Variants in CDH10 observed in about 807,000 individuals in gnomAD.
The protein encoded by CDH10 is cadherin-10.
In CDH10, 30 loss-of-function variants were observed where a neutral mutation model predicts 73.1. The ratio of observed to expected loss-of-function variants is 0.41; its 90% CI spans 0.31 to 0.56. CDH10 has a LOEUF of 0.56. Ranked by LOEUF, CDH10 falls within the 20% of genes least tolerant of loss-of-function variation. The pLI is 0.27. For synonymous variants in CDH10, 345 were observed against 348.2 expected (o/e 0.99, Z 0.10); for missense variants, 815 against 973.7 (o/e 0.84, Z 2.17).
chr5:24,576,452 A>G (rs1745601672), intron 2 of CDH10, among the ~76,000 whole-genome samples: 1 of 152,076 alleles, frequency 6.6e-6, no homozygotes, highest in African/African-American at 2.4e-5. Flanking sequence ...GTCTTCTTGA[A>G]ATGTCTTATT....
intron 1 of CDH10, among the ~76,000 whole-genome samples, chr5:24,642,531 T>C (rs761700029): frequency 5.3e-5 from 8 of 152,286 alleles, no homozygotes; most frequent in Admixed American, 2.0e-4. Context: ...GAAATATCAC[T>C]CTAAATTAAA....
chr5:24,540,445 A>T, intron 2 of CDH10, among the ~76,000 whole-genome samples: 1 of 152,050 alleles, frequency 6.6e-6, no homozygotes, highest in Non-Finnish European at 1.5e-5. Flanking sequence ...AGCAGGATTT[A>T]TTATCTTCAC....
At chr5:24,516,178 T>C (rs1743102053) in intron 5 of CDH10, among the ~76,000 whole-genome samples, 1 of 152,214 alleles carries the variant, frequency 6.6e-6, no homozygotes, top group Admixed American at 6.5e-5. Flanking sequence ...ATTAAAGTTA[T>C]GCATTTTTGT....
chr5:24,512,049 C>T (rs536858158), intron 5 of CDH10, among the ~76,000 whole-genome samples: 1 of 152,218 alleles, frequency 6.6e-6, no homozygotes, highest in South Asian at 2.1e-4. Flanking sequence ...AGGCCTATTA[C>T]CTGGTCTATG....
At chr5:24,615,482 T>C (rs892026395) in intron 1 of CDH10, among the ~76,000 whole-genome samples, 3 of 152,202 alleles carry the variant, frequency 2.0e-5, no homozygotes, top group African/African-American at 7.2e-5. Flanking sequence ...GTTTTGATTG[T>C]TCCCTTGGGA....
chr5:24,640,123 T>G (rs1747997079), intron 1 of CDH10, among the ~76,000 whole-genome samples: 1 of 151,938 alleles, frequency 6.6e-6, no homozygotes, highest in South Asian at 2.1e-4. Context: ...TGGCAGATGA[T>G]AGAATACTGG....
chr5:24,527,539 T>C (rs1422400824), intron 5 of CDH10, among the ~76,000 whole-genome samples: 4 of 151,726 alleles, frequency 2.6e-5, no homozygotes, highest in Admixed American at 6.6e-5. Flanking sequence ...CAAACCTAGA[T>C]GGTATCGCTT....
intron 5 of CDH10, among the ~76,000 whole-genome samples, chr5:24,533,194 G>T (rs1743810992): frequency 6.6e-6 from 1 of 151,960 alleles, no homozygotes; most frequent in Non-Finnish European, 1.5e-5. Flanking sequence ...GGGCATGGTG[G>T]CATGAACCTG....
At chr5:24,502,219 G>A (rs1579725568) in intron 8 of CDH10, among the ~76,000 whole-genome samples, 3 of 152,116 alleles carry the variant, frequency 2.0e-5, no homozygotes. Flanking sequence ...ACCGCGCCTG[G>A]CTCCCACATA....
intron 2 of CDH10, among the ~76,000 whole-genome samples, chr5:24,544,946 C>A (rs1022785023): frequency 2.0e-5 from 3 of 151,936 alleles, no homozygotes; most frequent in African/African-American, 7.3e-5. Flanking sequence ...CTTCCAAGGC[C>A]AGAAATTTAA....
chr5:24,531,245 T>C (rs940938786), intron 5 of CDH10, among the ~76,000 whole-genome samples: 2 of 152,112 alleles, frequency 1.3e-5, no homozygotes, highest in Non-Finnish European at 2.9e-5. Context: ...TGGAATTGTC[T>C]CACATGTTAT....
At chr5:24,489,589 C>A (rs1402771273) in intron 11 of CDH10, among the ~76,000 whole-genome samples, 1 of 152,108 alleles carries the variant, frequency 6.6e-6, no homozygotes, top group Non-Finnish European at 1.5e-5. Context: ...AGGATAATGA[C>A]AACTTATTAC....
At chr5:24,519,086 T>C (rs966114363) in intron 5 of CDH10, among the ~76,000 whole-genome samples, 7 of 151,718 alleles carry the variant, frequency 4.6e-5, no homozygotes, top group Non-Finnish European at 1.0e-4. Flanking sequence ...AGATAGGTTT[T>C]TGCCATGTTA....
chr5:24,575,066 C>T (rs954566315), intron 2 of CDH10, among the ~76,000 whole-genome samples: 1 of 151,982 alleles, frequency 6.6e-6, no homozygotes, highest in Non-Finnish European at 1.5e-5. Context: ...TTCAAAATGT[C>T]TCCTGCTGGT....
chr5:24,563,899 A>G (rs1384012672), intron 2 of CDH10, among the ~76,000 whole-genome samples: 1 of 152,180 alleles, frequency 6.6e-6, no homozygotes, highest in Non-Finnish European at 1.5e-5. Context: ...TATCTTCTCC[A>G]ATGGGTTGTA....
intron 8 of CDH10, among the ~76,000 whole-genome samples, chr5:24,504,162 A>T (rs1742596954): frequency 6.6e-6 from 1 of 152,170 alleles, no homozygotes; most frequent in South Asian, 2.1e-4. Context: ...CCCGAAAAAC[A>T]GCAGATGTAA....
At chr5:24,586,359 T>G (rs1745992538) in intron 2 of CDH10, among the ~76,000 whole-genome samples, 1 of 151,960 alleles carries the variant, frequency 6.6e-6, no homozygotes, top group Admixed American at 6.6e-5. Flanking sequence ...GGTTTTAAGT[T>G]ATAGTTTAAC....
intron 1 of CDH10, among the ~76,000 whole-genome samples, chr5:24,625,653 A>AAATATGAATATATATGTGTATAAATAT (rs1747473964): frequency 6.7e-6 from 1 of 149,482 alleles, no homozygotes; most frequent in Admixed American, 6.7e-5. Flanking sequence ...ATATATTCAC[A>AAATATGAATATATATGTGTATAAATAT]ATTCACAAAC....
intron 1 of CDH10, among the ~76,000 whole-genome samples, chr5:24,629,264 C>T (rs1409167123): frequency 6.6e-6 from 1 of 152,018 alleles, no homozygotes; most frequent in African/African-American, 2.4e-5. Flanking sequence ...AGTTTATGAG[C>T]TTGGATATAA....
Sources: gnomAD v4.1 joint callset for allele counts (sites outside exome capture counted in the v4.1 genomes callset) on GRCh38, gnomAD v4.1.1 for gene constraint, MANE v1.5 for transcripts, NCBI Gene and HGNC (gene_info 2026-07-23, HGNC 2026-07-21) for gene names.